Variants in BICC1 observed in about 807,000 individuals in gnomAD.
BICC1 encodes the protein protein bicaudal C homolog 1.
BICC1 carries 43 observed loss-of-function variants against 111.0 expected under a neutral mutation model. The ratio of observed to expected loss-of-function variants is 0.39; its 90% confidence interval spans 0.30 to 0.50. BICC1 has a LOEUF of 0.50. BICC1 is among the 20% of genes least tolerant of loss of function. The pLI is 0.88. For synonymous variants in BICC1, 467 were observed against 434.4 expected, an observed-to-expected ratio of 1.07 and a Z score of -0.93; for missense variants, 1,091 against 1,203.2, an observed-to-expected ratio of 0.91 and a Z score of 1.38.
At chr10:58,621,913 A>G (rs1845822903) in intron 2 of BICC1, among the ~76,000 whole-genome samples, 1 of 104,592 alleles carries the variant, frequency 9.6e-6, no homozygotes, top group East Asian at 2.8e-4. Context: ...TTAGAATAGA[A>G]TAGAATAGAA....
upstream of BICC1, among the ~76,000 whole-genome samples, chr10:58,512,816 G>A (rs913681441): frequency 3.3e-5 from 5 of 150,202 alleles, no homozygotes; most frequent in African/African-American, 9.7e-5. Flanking sequence ...AGGGGCGGCG[G>A]GCGGGGAGGG....
chr10:58,550,374 C>T (rs190072654), intron 1 of BICC1, among the ~76,000 whole-genome samples: 11 of 152,152 alleles, frequency 7.2e-5, no homozygotes. Context: ...ATATTTTCTC[C>T]GAATCTTTGG....
chr10:58,705,774 T>C (rs1358758719), intron 3 of BICC1, among the ~76,000 whole-genome samples: 2 of 152,226 alleles, frequency 1.3e-5, no homozygotes, highest in African/African-American at 4.8e-5. Context: ...TGGTGGAGAT[T>C]GGGCTTTTAG....
At chr10:58,828,654 C>T in intron 20 of BICC1, 107 bp from the exon 21 acceptor site, 1 of 1,218,668 alleles carries the variant, frequency 8.2e-7, no homozygotes, top group Non-Finnish European at 1.1e-6. Flanking sequence ...ACTTGACTTT[C>T]CTCAAAAAAC....
intron 1 of BICC1, among the ~76,000 whole-genome samples, chr10:58,538,639 G>T (rs901173716): frequency 1.3e-5 from 2 of 151,786 alleles, no homozygotes; most frequent in African/African-American, 4.8e-5. Flanking sequence ...CTTCTGCACA[G>T]CAAAAGAAAT....
At chr10:58,642,288 G>A (rs954481996) in intron 2 of BICC1, among the ~76,000 whole-genome samples, 3 of 152,258 alleles carry the variant, frequency 2.0e-5, no homozygotes, top group South Asian at 2.1e-4. Context: ...CCTGAGTTCC[G>A]AAAGAGGCTG....
chr10:58,737,739 C>T (rs145919495), intron 3 of BICC1, among the ~76,000 whole-genome samples: 2 of 152,148 alleles, frequency 1.3e-5, no homozygotes, highest in Non-Finnish European at 2.9e-5. Context: ...CCACATCCTC[C>T]CCAGCACCTG....
intron 2 of BICC1, among the ~76,000 whole-genome samples, chr10:58,676,670 TCTC>T (rs1001504228): frequency 2.5e-4 from 38 of 152,224 alleles, no homozygotes; most frequent in African/African-American, 8.7e-4. Flanking sequence ...GAGCAGCGGA[TCTC>T]CCAGCACAGC....
At chr10:58,681,785 T>G (rs929022035) in intron 2 of BICC1, among the ~76,000 whole-genome samples, 2 of 152,176 alleles carry the variant, frequency 1.3e-5, no homozygotes, top group African/African-American at 4.8e-5. Flanking sequence ...CCAGAGTTTC[T>G]TCCTTCCGGT....
At chr10:58,613,383 C>CT (rs1402957541) in intron 1 of BICC1, among the ~76,000 whole-genome samples, 1 of 152,142 alleles carries the variant, frequency 6.6e-6, no homozygotes, top group Non-Finnish European at 1.5e-5. Context: ...GTATCAGTGT[C>CT]TAAGATTGCA....
intron 2 of BICC1, among the ~76,000 whole-genome samples, chr10:58,643,345 G>T (rs1194997856): frequency 6.6e-6 from 1 of 152,172 alleles, no homozygotes; most frequent in Non-Finnish European, 1.5e-5. Context: ...AGAGCTCTTT[G>T]CTATCTTCTT....
chr10:58,559,071 G>A (rs959010314), intron 1 of BICC1, among the ~76,000 whole-genome samples: 1 of 151,640 alleles, frequency 6.6e-6, no homozygotes, highest in Non-Finnish European at 1.5e-5. Flanking sequence ...ACTTGTTGCT[G>A]TTGCTAACTT....
chr10:58,548,304 C>T (rs1263685342), intron 1 of BICC1, among the ~76,000 whole-genome samples: 3 of 152,246 alleles, frequency 2.0e-5, no homozygotes, highest in East Asian at 1.9e-4. Context: ...AACTAAATAC[C>T]CTGTGAGAAA....
intron 3 of BICC1, among the ~76,000 whole-genome samples, chr10:58,711,124 A>G (rs1840559090): frequency 6.6e-6 from 1 of 152,206 alleles, no homozygotes; most frequent in South Asian, 2.1e-4. Context: ...TTAGGATTAC[A>G]GGCATGAGCC....
intron 3 of BICC1, among the ~76,000 whole-genome samples, chr10:58,718,701 A>G (rs1736559666): frequency 6.6e-6 from 1 of 152,020 alleles, no homozygotes; most frequent in Non-Finnish European, 1.5e-5. Context: ...TTCCAAAATA[A>G]ATTATCTAAA....
chr10:58,746,722 C>T (rs2132627151), intron 3 of BICC1, among the ~76,000 whole-genome samples: 1 of 152,246 alleles, frequency 6.6e-6, no homozygotes. Context: ...ATTCATTAAG[C>T]CATTGTTTCC....
intron 3 of BICC1, among the ~76,000 whole-genome samples, chr10:58,728,250 A>T (rs1564578051): frequency 6.6e-6 from 1 of 152,330 alleles, no homozygotes; most frequent in East Asian, 1.9e-4. Context: ...AATCCTCTGA[A>T]ACTCTGCCAC....
Position 58,803,034 on chromosome 10 carries a change from G to T in BICC1, c.2016-43G>T, listed in dbSNP as rs554854252. On this transcript the variant is annotated intron_variant, in intron 14 of 20. Transcript: ENST00000373886. ...CATGTAGGAAACATTCAGTACATTT[G>T]TATATATAGTGGAGTGTTAAATTCC... 2.7e-6 allele frequency: 4 copies of T among 1,500,672 alleles called. No homozygotes were observed. In the South Asian group the frequency reaches 5.6e-5, roughly 21 times the overall value. 93.0% of individuals were successfully genotyped at this position (1,500,672 alleles called of 1,614,324 possible).
At chr10:58,551,678 C>A (rs1003269072) in intron 1 of BICC1, among the ~76,000 whole-genome samples, 3 of 152,092 alleles carry the variant, frequency 2.0e-5, no homozygotes, top group African/African-American at 7.2e-5. Context: ...CCCTGGTAAC[C>A]ATCATTCTAC....
Sources: gnomAD v4.1 joint callset for allele counts (sites outside exome capture counted in the v4.1 genomes callset) on GRCh38, gnomAD v4.1.1 for gene constraint, MANE v1.5 for transcripts, NCBI Gene and HGNC (gene_info 2026-07-23, HGNC 2026-07-21) for gene names.